The following NOX4 variants were observed in gnomAD, a reference collection of about 807,000 sequenced individuals.
NOX4 encodes NADPH oxidase 4, also known as kidney oxidase-1.
In NOX4, 69 loss-of-function variants were observed where a neutral mutation model predicts 87.6. That is an observed-to-expected ratio of 0.79 (90% CI 0.65 to 0.96). The LOEUF (loss-of-function observed/expected upper bound fraction) is 0.96, where lower values mean the gene tolerates loss of function less well. Among genes scored for constraint, NOX4 ranks in the 40% least tolerant of loss-of-function variants. The probability of loss-of-function intolerance (pLI) is 0.00; values close to 1 mark genes in which losing one functional copy is unlikely to be tolerated. For synonymous variants in NOX4, 275 were observed against 238.2 expected (o/e 1.15, Z -1.42); for missense variants, 680 against 681.5 (o/e 1.00, Z 0.02).
the NOX4 span, among the ~76,000 whole-genome samples, chr11:89,557,702 C>T: frequency 6.6e-6 from 1 of 152,096 alleles, no homozygotes; most frequent in South Asian, 2.1e-4. Context: ...TAAACTTAGT[C>T]TCCATTAGCA....
chr11:89,570,185 G>A, the NOX4 span, among the ~76,000 whole-genome samples: 27 of 152,256 alleles, frequency 1.8e-4, no homozygotes, highest in African/African-American at 4.1e-4. Context: ...AAAAAAGAAC[G>A]AAGTCATGTC....
intron 15 of NOX4, among the ~76,000 whole-genome samples, chr11:89,338,812 G>A (rs1239368121): frequency 6.6e-6 from 1 of 152,038 alleles, no homozygotes; most frequent in African/African-American, 2.4e-5. Context: ...TGGCATTATA[G>A]CATTTTGTTT....
rs187019886 is a variant in NOX4, at chr11:89,446,708, C to T, written c.350-2476G>A. On this transcript the variant is annotated intron_variant, in intron 4 of 17. Transcript: ENST00000263317. Reference sequence around the variant, plus strand: ...TAAACACTAACCAGTGGTGGTCTGGCGTTAGTGGGAAAGGAAAGATAAATA... The same window carrying T: ...TAAACACTAACCAGTGGTGGTCTGGTGTTAGTGGGAAAGGAAAGATAAATA... Among the ~76,000 whole-genome samples, 486 of 152,058 alleles carry T rather than the reference C, an allele frequency of 3.2e-3. 1 individual carries two copies. Among genetic ancestry groups the T allele is most frequent in the African/African-American group, 0.011 (451 of 41,484 alleles).
At chr11:89,405,154 G>A (rs1942100527) in intron 8 of NOX4, among the ~76,000 whole-genome samples, 1 of 145,418 alleles carries the variant, frequency 6.9e-6, no homozygotes, top group Non-Finnish European at 1.5e-5. Context: ...CTTAATACCA[G>A]GCAAATAAAT....
chr11:89,453,507 G>A (rs1310905498), intron 2 of NOX4, among the ~76,000 whole-genome samples: 1 of 152,148 alleles, frequency 6.6e-6, no homozygotes, highest in Non-Finnish European at 1.5e-5. Context: ...ATCTTCATAT[G>A]TTCACACTGA....
Position 89,340,087 on chromosome 11 carries a change from A to G in NOX4, c.1422T>C (p.Asp474=). ...CCTTGTTATGCAACATACAGAGTAA[A>G]TCTGCAAACCAACGGAAGGACTGGA... The part of the protein sequence containing the change: ...RDIQSFRWFA[D]LLCMLHNKFW... The change falls in exon 15 of 18, where the codon GAT becomes GAC. Residue 474 remains aspartate (D), a synonymous_variant. Coordinates refer to ENST00000263317, the MANE Select transcript of NOX4 (RefSeq NM_016931.5). The G allele has an allele frequency of 1.9e-6, 3 of 1,568,774 alleles. No individual in the cohort carries two copies. The highest frequency in any genetic ancestry group is 2.6e-6 in the Non-Finnish European group (3 of 1,164,334).
At chr11:89,532,942 C>T in the NOX4 span, among the ~76,000 whole-genome samples, 1 of 152,178 alleles carries the variant, frequency 6.6e-6, no homozygotes, top group East Asian at 1.9e-4. Flanking sequence ...CCTTCAACTT[C>T]TGCCATGATT....
chr11:89,530,967 A>T, the NOX4 span, among the ~76,000 whole-genome samples: 1 of 152,146 alleles, frequency 6.6e-6, no homozygotes, highest in Non-Finnish European at 1.5e-5. Flanking sequence ...CTATTCCCAG[A>T]ATATAATTCC....
chr11:89,415,486 T>C (rs1942713688), intron 8 of NOX4, among the ~76,000 whole-genome samples: 1 of 152,174 alleles, frequency 6.6e-6, no homozygotes, highest in Non-Finnish European at 1.5e-5. Flanking sequence ...AAAACTTCAG[T>C]TCCATATTTT....
At chr11:89,429,859 C>T (rs955527982) in intron 7 of NOX4, among the ~76,000 whole-genome samples, 7 of 152,118 alleles carry the variant, frequency 4.6e-5, no homozygotes, top group Admixed American at 6.5e-5. Flanking sequence ...TTTTATAAGG[C>T]CAGCATCATC....
At chr11:89,491,091 A>G (rs1591380367) in intron 1 of NOX4, 99 bp downstream of exon 1, 1 of 1,195,180 alleles carries the variant, frequency 8.4e-7, no homozygotes, top group African/African-American at 1.5e-5. Context: ...TTAAGACAAA[A>G]CTTCCACTTC....
At chr11:89,391,955 T>TTCCCCTTCCCCTTC (rs1555011503) in intron 11 of NOX4, among the ~76,000 whole-genome samples, 1 of 143,622 alleles carries the variant, frequency 7.0e-6, no homozygotes, top group African/African-American at 2.6e-5. Context: ...CCCCTTCTCC[T>TTCCCCTTCCCCTTC]TCCTTCCTTC....
At chr11:89,535,529 C>T in the NOX4 span, among the ~76,000 whole-genome samples, 1 of 152,288 alleles carries the variant, frequency 6.6e-6, no homozygotes, top group East Asian at 1.9e-4. Context: ...CAAAACTCTG[C>T]ATCATGTAAT....
rs1237463382 is a variant in NOX4, at chr11:89,326,827, G to A, written c.1666C>T (p.Leu556Phe). ...CCGPNSLSKT[L>F]HKLSNQNNSY... ...TTGTTCTGGTTACTCAGTTTATGAAGAGTCTTGGATAGTGAATTGGGTCCA... is the reference window on the plus strand; with the variant it reads ...TTGTTCTGGTTACTCAGTTTATGAAAAGTCTTGGATAGTGAATTGGGTCCA... Residue 556 changes from leucine (L) to phenylalanine (F), a missense_variant, in exon 18 of 18, where the codon CTT becomes TTT. Coordinates refer to ENST00000263317, the MANE Select transcript of NOX4 (RefSeq NM_016931.5). The A allele has an allele frequency of 1.2e-6, 2 of 1,613,084 alleles. No homozygotes were observed. The highest frequency in any genetic ancestry group is 1.7e-5 in the Admixed American group (1 of 59,994).
chr11:89,586,032 T>C, the NOX4 span, among the ~76,000 whole-genome samples: 1 of 152,094 alleles, frequency 6.6e-6, no homozygotes, highest in Non-Finnish European at 1.5e-5. Flanking sequence ...CTTATGACAG[T>C]ATTTTGGATC....
intron 12 of NOX4, among the ~76,000 whole-genome samples, chr11:89,364,518 A>C (rs1938784163): frequency 6.6e-6 from 1 of 152,218 alleles, no homozygotes; most frequent in Non-Finnish European, 1.5e-5. Flanking sequence ...AAGCAATATA[A>C]AAAACAGAAC....
chr11:89,419,468 C>T (rs1329720653), intron 8 of NOX4, among the ~76,000 whole-genome samples: 4 of 151,610 alleles, frequency 2.6e-5, no homozygotes, highest in Non-Finnish European at 5.9e-5. Flanking sequence ...TCAGTAGTAA[C>T]ATTTCTCATA....
intron 11 of NOX4, among the ~76,000 whole-genome samples, chr11:89,394,978 T>C (rs1941375115): frequency 6.6e-6 from 1 of 152,198 alleles, no homozygotes; most frequent in Admixed American, 6.5e-5. Flanking sequence ...TGCATGTGTC[T>C]TTATAGTAGC....
Position 89,328,213 on chromosome 11 carries a change from A to C in NOX4, c.1617-1337T>G, listed in dbSNP as rs567244104. On this transcript the variant is annotated intron_variant, in intron 17 of 17. Coordinates refer to ENST00000263317, the MANE Select transcript of NOX4 (RefSeq NM_016931.5). ...GAGAATCCTCAAGTCTTTGATTAAT[A>C]ATCAGTTCATATATGATAAGAAACT... Among the ~76,000 whole-genome samples the C allele has an allele frequency of 4.6e-5, 7 of 152,340 alleles. No individual in the cohort carries two copies. In the East Asian group the frequency reaches 1.3e-3, roughly 29 times the overall value.
Sources: allele counts gnomAD v4.1 joint callset (sites outside exome capture counted in the v4.1 genomes callset), GRCh38; gene constraint gnomAD v4.1.1; transcripts MANE v1.5; gene names NCBI Gene and HGNC (gene_info 2026-07-23, HGNC 2026-07-21).